The following LRRFIP1 variants were observed in gnomAD, a reference collection of about 807,000 sequenced individuals.
LRRFIP1 encodes LRR binding FLII interacting protein 1, also known as leucine-rich repeat flightless-interacting protein 1.
LRRFIP1 carries 62 observed loss-of-function variants against 104.4 expected under a neutral mutation model. The ratio of observed to expected loss-of-function variants is 0.59; its 90% CI spans 0.48 to 0.73. The LOEUF (loss-of-function observed/expected upper bound fraction) is 0.73, where lower values mean the gene tolerates loss of function less well. LRRFIP1 is among the 30% of genes least tolerant of loss of function. LRRFIP1 has a pLI of 0.00. For missense variants in LRRFIP1, 796 were observed against 824.5 expected (o/e 0.97, Z 0.42); for synonymous variants, 300 against 299.0 (o/e 1.00, Z -0.03).
chr2:237,629,913 C>G (rs4663764), intron 1 of LRRFIP1, among the ~76,000 whole-genome samples: 63,820 of 152,002 alleles, frequency 0.42, 13,697 homozygotes, highest in East Asian at 0.46. Flanking sequence ...GCTGGGCTTT[C>G]AAATGACATA....
intron 23 of LRRFIP1, among the ~76,000 whole-genome samples, chr2:237,777,363 A>C (rs889050991): frequency 6.6e-6 from 1 of 151,820 alleles, no homozygotes; most frequent in Middle Eastern, 3.2e-3. Context: ...TCCTCACTGA[A>C]GTACATACTG....
chr2:237,737,334 G>A (rs549205076), intron 10 of LRRFIP1, among the ~76,000 whole-genome samples: 17 of 152,282 alleles, frequency 1.1e-4, no homozygotes, highest in South Asian at 1.0e-3. Context: ...CACAGATGCC[G>A]GGCTAAGGAA....
intron 1 of LRRFIP1, among the ~76,000 whole-genome samples, chr2:237,687,083 G>A (rs949550826): frequency 1.3e-5 from 2 of 152,244 alleles, no homozygotes; most frequent in African/African-American, 4.8e-5. Context: ...TCTGCGTCAG[G>A]CGGCGTGCCG....
chr2:237,723,865 T>G (rs917547600), intron 7 of LRRFIP1, among the ~76,000 whole-genome samples: 2 of 152,240 alleles, frequency 1.3e-5, no homozygotes, highest in African/African-American at 4.8e-5. Flanking sequence ...TGCCACGCCT[T>G]GTGTTAGCAG....
At chr2:237,694,786 T>C (rs1418611715) in intron 1 of LRRFIP1, among the ~76,000 whole-genome samples, 3 of 152,240 alleles carry the variant, frequency 2.0e-5, no homozygotes, top group Non-Finnish European at 2.9e-5. Context: ...GAGGGTCCGA[T>C]GCGGACAGTG....
chr2:237,708,401 C>G, intron 1 of LRRFIP1, 143 bp from the exon 2 acceptor site: 1 of 622,502 alleles, frequency 1.6e-6, no homozygotes, highest in Non-Finnish European at 2.9e-6. Context: ...CCTGACCACC[C>G]TTTTACTCTA....
intron 3 of LRRFIP1, among the ~76,000 whole-genome samples, chr2:237,715,002 T>C (rs1250569791): frequency 6.6e-6 from 1 of 152,254 alleles, no homozygotes; most frequent in African/African-American, 2.4e-5. Context: ...ATAGTTTCCT[T>C]TTATAAATTT....
chr2:237,697,882 G>T (rs531704199), intron 1 of LRRFIP1, among the ~76,000 whole-genome samples: 2 of 152,262 alleles, frequency 1.3e-5, no homozygotes, highest in East Asian at 3.9e-4. Context: ...ATCATGTTGA[G>T]GCAATTGAAG....
At chr2:237,679,976 G>A (rs1160486208) in intron 1 of LRRFIP1, among the ~76,000 whole-genome samples, 1 of 152,214 alleles carries the variant, frequency 6.6e-6, no homozygotes, top group Non-Finnish European at 1.5e-5. Flanking sequence ...AAAGAAAAAT[G>A]CAGGGCCTAT....
At chr2:237,690,779 A>T (rs1293411975) in intron 1 of LRRFIP1, among the ~76,000 whole-genome samples, 1 of 152,148 alleles carries the variant, frequency 6.6e-6, no homozygotes, top group Non-Finnish European at 1.5e-5. Context: ...TTATAACAAC[A>T]TTTAAATAAG....
intron 19 of LRRFIP1, chr2:237,763,100 G>C (rs752502135): frequency 1.9e-6 from 3 of 1,614,192 alleles, no homozygotes; most frequent in South Asian, 2.2e-5. Flanking sequence ...GGTCCCCCAA[G>C]AGTTAGAGAC....
chr2:237,646,758 G>A (rs1433136654), intron 1 of LRRFIP1, among the ~76,000 whole-genome samples: 1 of 152,066 alleles, frequency 6.6e-6, no homozygotes, highest in African/African-American at 2.4e-5. Context: ...GAAGGTGGCC[G>A]TCTGCAAGCC....
chr2:237,649,214 C>A lies in LRRFIP1; in HGVS notation c.96+21474C>A, dbSNP rs1452491174. 1.3e-5 allele frequency among the ~76,000 whole-genome samples: 2 copies of A among 151,924 alleles called. No homozygotes were observed. Among genetic ancestry groups the A allele is most frequent in the South Asian group, 4.1e-4 (2 of 4,820 alleles). ...TGGCCCCAGAACAGCCCCTCCCTCC[C>A]CACCCACAGCTGTGCCCAGCTACGA... On this transcript the variant is annotated intron_variant, in intron 1 of 23. Coordinates refer to ENST00000308482, the MANE Select transcript of LRRFIP1 (RefSeq NM_001137550.2). This position sits in a 1 kb window ranked among gnomAD's most constrained non-coding sequence, Gnocchi z 4.1.
chr2:237,781,189 A>G lies in LRRFIP1; in HGVS notation c.*1657A>G, dbSNP rs752403939. Among the ~76,000 whole-genome samples the G allele has an allele frequency of 1.3e-5, 2 of 152,230 alleles. No homozygotes were observed. Among genetic ancestry groups the G allele is most frequent in the African/African-American group, 2.4e-5 (1 of 41,460 alleles). On this transcript the variant is annotated 3_prime_UTR_variant, in exon 24 of 24. Transcript: ENST00000308482. Reference sequence around the variant, plus strand: ...AATACAAGCATGTTTAACTGGGAAAATGTCTATGTCATGCGTGAATAACAC... The same window carrying G: ...AATACAAGCATGTTTAACTGGGAAAGTGTCTATGTCATGCGTGAATAACAC...
At chr2:237,660,297 T>G (rs11897149) in intron 1 of LRRFIP1, among the ~76,000 whole-genome samples, 21,182 of 152,202 alleles carry the variant, frequency 0.14, 1,872 homozygotes, top group African/African-American at 0.25. Context: ...TACTCTAGGT[T>G]ACCATCTGCC....
Position 237,691,815 on chromosome 2 carries a change from G to A in LRRFIP1, c.97-16729G>A, listed in dbSNP as rs1459101834. On this transcript the variant is annotated intron_variant, in intron 1 of 23. Transcript: ENST00000308482. This position sits in a 1 kb window ranked among gnomAD's most constrained non-coding sequence, Gnocchi z 5.4. ...GGAGCCTGAGGGGTCTTTTCCTCCA[G>A]GTCCTCTTTCCGGCGGGGGCCGGAG... Among the ~76,000 whole-genome samples, 1 of 152,174 alleles carries A rather than the reference G, an allele frequency of 6.6e-6. No individual in the cohort carries two copies. The highest frequency in any genetic ancestry group is 2.4e-5 in the African/African-American group (1 of 41,446).
intron 20 of LRRFIP1, 32 bp from the exon 21 acceptor site, chr2:237,772,049 A>G (rs2060689636): frequency 6.7e-7 from 1 of 1,496,056 alleles, no homozygotes; most frequent in Non-Finnish European, 9.3e-7. Flanking sequence ...AGAGTAGAGA[A>G]ATTAACAGAT....
intron 11 of LRRFIP1, among the ~76,000 whole-genome samples, chr2:237,744,482 G>C (rs144687015): frequency 1.3e-5 from 2 of 152,290 alleles, no homozygotes; most frequent in East Asian, 3.9e-4. Context: ...TAGCGTTTTA[G>C]CCTCACCAGG....
chr2:237,688,663 T>A (rs1232774165), intron 1 of LRRFIP1, among the ~76,000 whole-genome samples: 1 of 152,028 alleles, frequency 6.6e-6, no homozygotes, highest in East Asian at 1.9e-4. Flanking sequence ...TTTGTCATGT[T>A]GGCCAGGCTG....
Sources: allele counts gnomAD v4.1 joint callset (sites outside exome capture counted in the v4.1 genomes callset), GRCh38; gene constraint gnomAD v4.1.1; non-coding constraint Gnocchi (gnomAD v3.1); transcripts MANE v1.5; gene names NCBI Gene and HGNC (gene_info 2026-07-23, HGNC 2026-07-21).